RABGAP1L: variants seen among roughly 807,000 people sequenced by gnomAD.
RABGAP1L encodes the protein rab GTPase-activating protein 1-like.
A neutral mutation model predicts 137.7 loss-of-function variants in RABGAP1L; 63 were observed. That is an observed-to-expected ratio of 0.46 (90% confidence interval 0.37 to 0.56). The LOEUF (loss-of-function observed/expected upper bound fraction) is 0.56. Among genes scored for constraint, RABGAP1L ranks in the 20% least tolerant of loss-of-function variants. The pLI is 0.00. For synonymous variants in RABGAP1L, 431 were observed against 433.7 expected, an observed-to-expected ratio of 0.99 and a Z score of 0.08; for missense variants, 1,095 against 1,244.0, an observed-to-expected ratio of 0.88 and a Z score of 1.80.
At chr1:174,347,329 A>G (rs768264225) in intron 11 of RABGAP1L, among the ~76,000 whole-genome samples, 13 of 152,084 alleles carry the variant, frequency 8.5e-5, no homozygotes, top group Non-Finnish European at 1.3e-4. Flanking sequence ...GTCTCTAGCT[A>G]TTGCATTGGG....
intron 19 of RABGAP1L, among the ~76,000 whole-genome samples, chr1:174,920,424 C>T (rs1661602255): frequency 6.6e-6 from 1 of 152,168 alleles, no homozygotes; most frequent in African/African-American, 2.4e-5. Context: ...AGATTCACCT[C>T]CATAATTCAG....
At chr1:174,234,662 T>C (rs1670993650) in intron 4 of RABGAP1L, among the ~76,000 whole-genome samples, 1 of 151,664 alleles carries the variant, frequency 6.6e-6, no homozygotes, top group Admixed American at 6.6e-5. Context: ...CTGTTTTGGT[T>C]ACTGTAGCCT....
At chr1:174,247,321 G>A (rs551098261) in intron 5 of RABGAP1L, among the ~76,000 whole-genome samples, 17 of 152,136 alleles carry the variant, frequency 1.1e-4, no homozygotes, top group Non-Finnish European at 2.1e-4. Flanking sequence ...TTAAAAATAC[G>A]CTTAAGTCCG....
intron 13 of RABGAP1L, among the ~76,000 whole-genome samples, chr1:174,561,492 G>A (rs1443360930): frequency 2.0e-5 from 3 of 152,130 alleles, no homozygotes; most frequent in East Asian, 3.8e-4. Flanking sequence ...TTTCTTCACA[G>A]AATTGGAAAA....
At chr1:174,421,995 C>G (rs1189850283) in intron 13 of RABGAP1L, among the ~76,000 whole-genome samples, 1 of 152,136 alleles carries the variant, frequency 6.6e-6, no homozygotes, top group Non-Finnish European at 1.5e-5. Flanking sequence ...TCTTGAACTC[C>G]TGACCTCAGG....
intron 4 of RABGAP1L, 49 bp from the exon 5 acceptor site, chr1:174,241,434 G>C: frequency 8.0e-7 from 1 of 1,255,986 alleles, no homozygotes; most frequent in South Asian, 2.1e-5. Flanking sequence ...ATATGTCTTT[G>C]TTCTTCGAGA....
At chr1:174,511,679 A>G (rs1662357930) in intron 13 of RABGAP1L, among the ~76,000 whole-genome samples, 1 of 151,200 alleles carries the variant, frequency 6.6e-6, no homozygotes, top group African/African-American at 2.4e-5. Context: ...CTGGAGCGCA[A>G]TGGCGTGATC....
chr1:174,482,076 AGTCAGAG>A (rs1659153900), intron 13 of RABGAP1L, among the ~76,000 whole-genome samples: 1 of 152,146 alleles, frequency 6.6e-6, no homozygotes, highest in African/African-American at 2.4e-5. Context: ...CAGAAGAGAG[AGTCAGAG>A]TGATACCATG....
intron 19 of RABGAP1L, among the ~76,000 whole-genome samples, chr1:174,892,144 T>C (rs1438045381): frequency 1.3e-5 from 2 of 152,200 alleles, no homozygotes; most frequent in African/African-American, 4.8e-5. Context: ...TGCAAGCATC[T>C]CGCGTGGTGG....
chr1:174,789,427 T>A (rs1178228211), intron 18 of RABGAP1L, among the ~76,000 whole-genome samples: 4 of 152,190 alleles, frequency 2.6e-5, no homozygotes. Flanking sequence ...GCTCTTACAT[T>A]CCCTGATTTT....
chr1:174,184,360 T>C (rs1337007899), intron 1 of RABGAP1L, among the ~76,000 whole-genome samples: 1 of 152,196 alleles, frequency 6.6e-6, no homozygotes, highest in Non-Finnish European at 1.5e-5. Context: ...TAAATATCCA[T>C]GCGCAGGTTT....
intron 21 of RABGAP1L, among the ~76,000 whole-genome samples, chr1:174,972,651 G>A (rs773558231): frequency 5.3e-5 from 8 of 151,978 alleles, no homozygotes; most frequent in Non-Finnish European, 8.8e-5. Context: ...TTAGGAGTTC[G>A]AGACCAGCCT....
intron 1 of RABGAP1L, among the ~76,000 whole-genome samples, chr1:174,174,629 C>G (rs555359862): frequency 6.6e-5 from 10 of 152,282 alleles, no homozygotes; most frequent in African/African-American, 2.4e-4. Flanking sequence ...CAAAATAACT[C>G]TCAATTCGAG....
chr1:174,781,185 A>G (rs1257352290), intron 18 of RABGAP1L, among the ~76,000 whole-genome samples: 1 of 152,222 alleles, frequency 6.6e-6, no homozygotes, highest in Non-Finnish European at 1.5e-5. Flanking sequence ...CAGTCCCACC[A>G]ACACTGTAAA....
intron 14 of RABGAP1L, among the ~76,000 whole-genome samples, chr1:174,674,863 T>C (rs1677488145): frequency 6.6e-6 from 1 of 152,274 alleles, no homozygotes. Context: ...TTTTCATGTG[T>C]CTGTTGGCTG....
At chr1:174,877,322 A>C in intron 19 of RABGAP1L, 2 of 1,295,494 alleles carry the variant, frequency 1.5e-6, no homozygotes, top group East Asian at 2.5e-5. Context: ...AGCCTGTGAT[A>C]GCAGCCGCTT....
intron 10 of RABGAP1L, among the ~76,000 whole-genome samples, chr1:174,293,750 G>A (rs1676846744): frequency 6.6e-6 from 1 of 152,038 alleles, no homozygotes. Flanking sequence ...TCAATGTTTA[G>A]TTTAGTTTAT....
chr1:174,987,568 G>A (rs1671702394), intron 24 of RABGAP1L, among the ~76,000 whole-genome samples: 2 of 152,200 alleles, frequency 1.3e-5, no homozygotes, highest in African/African-American at 4.8e-5. Context: ...ATGCCCAGTG[G>A]CACAAAAGTG....
chr1:174,635,280 C>A (rs1389697467), intron 13 of RABGAP1L, among the ~76,000 whole-genome samples: 4 of 152,084 alleles, frequency 2.6e-5, no homozygotes, highest in African/African-American at 7.2e-5. Context: ...TCCTGCGGGC[C>A]AATAGGCACA....
Sources: allele counts gnomAD v4.1 joint callset (sites outside exome capture counted in the v4.1 genomes callset), GRCh38; gene constraint gnomAD v4.1.1; transcripts MANE v1.5; gene names NCBI Gene and HGNC (gene_info 2026-07-23, HGNC 2026-07-21).